Variants in AMN1 observed in about 807,000 individuals in gnomAD.
AMN1 encodes the protein protein AMN1 homolog.
In AMN1, 20 loss-of-function variants were observed where a neutral mutation model predicts 33.0. The observed-to-expected ratio is 0.61, with a 90% confidence interval of 0.43 to 0.88. AMN1 has a LOEUF of 0.88. AMN1 is among the 40% of genes least tolerant of loss of function. AMN1 has a pLI of 0.00. For synonymous variants in AMN1, 114 were observed against 111.9 expected, an observed-to-expected ratio of 1.02 and a Z score of -0.12; for missense variants, 246 against 307.4, an observed-to-expected ratio of 0.80 and a Z score of 1.49.
chr12:31,728,994 C>G lies in AMN1; in HGVS notation c.15G>C (p.Arg5=). 1.3e-6 allele frequency: 2 copies of G among 1,545,812 alleles called. No homozygotes were observed. The highest frequency in any genetic ancestry group is 8.7e-7 in the Non-Finnish European group (1 of 1,143,074). ...ACAGATCCAGGAGCTGACTGACCCG[C>G]CGTGGGCGAGGCATCGCTGCAGCGT... is the stretch of plus-strand genomic sequence containing the variant. MPRP[R]RVSQLLDLCL... Residue 5 remains arginine (R), a synonymous_variant, in exon 1 of 7, where the codon CGG becomes CGC. Transcript: ENST00000281471.
intron 2 of AMN1, among the ~76,000 whole-genome samples, chr12:31,702,721 T>C (rs1939060822): frequency 6.6e-6 from 1 of 152,110 alleles, no homozygotes. Context: ...TACTGTCATA[T>C]ACATTATATT....
chr12:31,681,770 G>A (rs1160476037), intron 6 of AMN1, among the ~76,000 whole-genome samples: 6 of 152,066 alleles, frequency 3.9e-5, no homozygotes, highest in Non-Finnish European at 5.9e-5. Flanking sequence ...AACCCCTGGG[G>A]CCTCAAGCGA....
At chr12:31,697,999 G>C in intron 3 of AMN1, 42 bp from the exon 4 acceptor site, 1 of 1,564,924 alleles carries the variant, frequency 6.4e-7, no homozygotes, top group Non-Finnish European at 8.8e-7. Context: ...CTATATGTGT[G>C]TATATGTATA....
At chr12:31,700,968 C>T (rs144883099) in intron 3 of AMN1, among the ~76,000 whole-genome samples, 5 of 151,852 alleles carry the variant, frequency 3.3e-5, no homozygotes, top group South Asian at 4.1e-4. Flanking sequence ...GGATTACAGG[C>T]GTGAGCCAAC....
chr12:31,707,740 C>T (rs1939302337), intron 2 of AMN1, among the ~76,000 whole-genome samples: 1 of 152,126 alleles, frequency 6.6e-6, no homozygotes, highest in South Asian at 2.1e-4. Flanking sequence ...GATTTTCAGT[C>T]TCCACGACTC....
At chr12:31,727,394 A>G (rs567307933) in intron 1 of AMN1, among the ~76,000 whole-genome samples, 20 of 152,312 alleles carry the variant, frequency 1.3e-4, no homozygotes, top group African/African-American at 4.8e-4. Context: ...CCATGACTGA[A>G]AGAGGAAATG....
chr12:31,720,445 C>T (rs139603588), intron 1 of AMN1, among the ~76,000 whole-genome samples: 3,183 of 151,536 alleles, frequency 0.021, 127 homozygotes, highest in African/African-American at 0.073. Flanking sequence ...GAGGCTGAGG[C>T]AGGAAAATCG....
rs1021071564 is a variant in AMN1 at position 31,671,256 on chromosome 12, C to T, written c.*1048G>A. 5 of 152,116 alleles carry T rather than the reference C, an allele frequency of 3.3e-5. No homozygotes were observed. Among genetic ancestry groups the T allele is most frequent in the African/African-American group, 7.2e-5 (3 of 41,436 alleles). 9.4% of individuals were successfully genotyped at this position (152,116 alleles called of 1,614,324 possible). A position where few individuals can be genotyped will look rare whatever the true frequency, so the allele number is the denominator to read the frequency against. Reference sequence around the variant, plus strand: ...TACATATGCACCACCTTTGCAGTGGCAACATATATATCCACACTATAAACA... The same window carrying T: ...TACATATGCACCACCTTTGCAGTGGTAACATATATATCCACACTATAAACA... On this transcript the variant is annotated 3_prime_UTR_variant, in exon 7 of 7. Transcript: ENST00000281471.
At chr12:31,697,995 G>A (rs1402741429) in intron 3 of AMN1, 38 bp from the exon 4 acceptor site, 1 of 1,568,790 alleles carries the variant, frequency 6.4e-7, no homozygotes, top group East Asian at 2.2e-5. Flanking sequence ...TGAGCTATAT[G>A]TGTGTATATG....
intron 5 of AMN1, among the ~76,000 whole-genome samples, chr12:31,692,086 C>T (rs1189026449): frequency 2.7e-5 from 4 of 148,086 alleles, no homozygotes; most frequent in African/African-American, 9.9e-5. Context: ...CCATGTTGGT[C>T]AGGCTGGCCT....
chr12:31,694,200 G>C (rs1938622307), intron 5 of AMN1, among the ~76,000 whole-genome samples: 1 of 151,614 alleles, frequency 6.6e-6, no homozygotes, highest in South Asian at 2.1e-4. Context: ...CCAGCACTTT[G>C]GGGGGCCAAG....
At chr12:31,701,775 CTCTTT>C in intron 3 of AMN1, 83 bp downstream of exon 3, 1 of 1,116,254 alleles carries the variant, frequency 9.0e-7, no homozygotes, top group Non-Finnish European at 1.2e-6. Flanking sequence ...TCTTCATACT[CTCTTT>C]TGACGTATTT....
intron 6 of AMN1, among the ~76,000 whole-genome samples, chr12:31,688,538 C>T (rs1938366058): frequency 6.6e-6 from 1 of 152,124 alleles, no homozygotes. Flanking sequence ...CCGGGCGCGG[C>T]AGCTAACGTC....
chr12:31,672,359 A>C lies in AMN1; in HGVS notation c.722T>G (p.Leu241Trp), dbSNP rs1951293890. Reference sequence around the variant, plus strand: ...TTTGTTTGGGCCTACTAATTGCTCCAACACTTCTCGGGAATGATCTATAAA... The same window carrying C: ...TTTGTTTGGGCCTACTAATTGCTCCCACACTTCTCGGGAATGATCTATAAA... ...PLITDHSREV[L>W]EQLVGPNKLK... The change falls in exon 7 of 7, where the codon TTG becomes TGG. Residue 241 changes from leucine (L) to tryptophan (W), a missense_variant. Coordinates refer to ENST00000281471, the MANE Select transcript of AMN1 (RefSeq NM_001113402.2). The C allele has an allele frequency of 6.3e-7, 1 of 1,575,362 alleles. No individual in the cohort carries two copies. The highest frequency in any genetic ancestry group is 1.4e-5 in the African/African-American group (1 of 74,072).
At chr12:31,693,680 T>C (rs182543001) in intron 5 of AMN1, among the ~76,000 whole-genome samples, 7 of 151,966 alleles carry the variant, frequency 4.6e-5, no homozygotes, top group Admixed American at 4.6e-4. Flanking sequence ...GTAGTTGGGA[T>C]TACAGGCATG....
intron 5 of AMN1, among the ~76,000 whole-genome samples, chr12:31,692,115 G>A (rs1390062897): frequency 6.6e-6 from 1 of 151,628 alleles, no homozygotes; most frequent in African/African-American, 2.4e-5. Context: ...GACCTCAAGT[G>A]ATCCACCCGC....
At chr12:31,681,094 T>C (rs1937989599) in intron 6 of AMN1, among the ~76,000 whole-genome samples, 1 of 152,186 alleles carries the variant, frequency 6.6e-6, no homozygotes, top group African/African-American at 2.4e-5. Context: ...GTGATCTGGG[T>C]AGTTAAAATT....
At chr12:31,722,655 T>C (rs1283583045) in intron 1 of AMN1, among the ~76,000 whole-genome samples, 1 of 152,184 alleles carries the variant, frequency 6.6e-6, no homozygotes, top group Non-Finnish European at 1.5e-5. Flanking sequence ...TTCCTGGGCA[T>C]GATATGCAGC....
At chr12:31,725,225 G>C (rs954901521) in intron 1 of AMN1, among the ~76,000 whole-genome samples, 4 of 152,134 alleles carry the variant, frequency 2.6e-5, no homozygotes, top group African/African-American at 9.7e-5. Flanking sequence ...TGTTTGTCCT[G>C]ATAGCTGTTT....
Sources: gnomAD v4.1 joint callset for allele counts (sites outside exome capture counted in the v4.1 genomes callset) on GRCh38, gnomAD v4.1.1 for gene constraint, MANE v1.5 for transcripts, NCBI Gene and HGNC (gene_info 2026-07-23, HGNC 2026-07-21) for gene names.